ADAMTS19: variants seen among roughly 807,000 people sequenced by gnomAD.
ADAMTS19 encodes the protein ADAM metallopeptidase with thrombospondin type 1 motif 19, also known as A disintegrin and metalloproteinase with thrombospondin motifs 19.
Under a neutral mutation model 153.3 loss-of-function variants are expected in ADAMTS19, and 93 were observed. The observed-to-expected ratio is 0.61, with a 90% CI of 0.51 to 0.72. The LOEUF is 0.72. ADAMTS19 is among the 30% of genes least tolerant of loss of function. ADAMTS19 has a pLI of 0.00. For missense variants in ADAMTS19, 1,482 were observed against 1,552.1 expected (o/e 0.95, Z 0.76); for synonymous variants, 600 against 556.6 (o/e 1.08, Z -1.10).
chr5:129,495,794 T>G (rs138653153), intron 2 of ADAMTS19, among the ~76,000 whole-genome samples: 1 of 152,260 alleles, frequency 6.6e-6, no homozygotes, highest in East Asian at 1.9e-4. Context: ...CATAATAGTC[T>G]TGACGTGGCC....
At chr5:129,710,136 C>T (rs1402589781) in intron 21 of ADAMTS19, among the ~76,000 whole-genome samples, 1 of 152,094 alleles carries the variant, frequency 6.6e-6, no homozygotes, top group Non-Finnish European at 1.5e-5. Flanking sequence ...CCCTGCCTCA[C>T]CAACAAGCCC....
chr5:129,578,958 G>C (rs1489218208), intron 7 of ADAMTS19, among the ~76,000 whole-genome samples: 1 of 152,138 alleles, frequency 6.6e-6, no homozygotes, highest in African/African-American at 2.4e-5. Context: ...TATATACCCA[G>C]TAATGGGATT....
intron 3 of ADAMTS19, among the ~76,000 whole-genome samples, chr5:129,510,978 T>C (rs1751422857): frequency 6.6e-6 from 1 of 151,636 alleles, no homozygotes; most frequent in African/African-American, 2.4e-5. Context: ...TTACTGAGCT[T>C]ACCTATTTTC....
intron 11 of ADAMTS19, among the ~76,000 whole-genome samples, chr5:129,644,977 C>G (rs1181434578): frequency 1.3e-5 from 2 of 152,182 alleles, no homozygotes; most frequent in South Asian, 4.1e-4. Flanking sequence ...CTCCTCTTCT[C>G]TCTTCCACAA....
chr5:129,479,253 ATG>A (rs945108843), intron 2 of ADAMTS19, among the ~76,000 whole-genome samples: 4 of 152,182 alleles, frequency 2.6e-5, no homozygotes, highest in Non-Finnish European at 4.4e-5. Flanking sequence ...GATCCAAGAT[ATG>A]GGGTAGAAAT....
chr5:129,585,883 C>T (rs1749765896), intron 7 of ADAMTS19, among the ~76,000 whole-genome samples: 1 of 152,132 alleles, frequency 6.6e-6, no homozygotes, highest in Non-Finnish European at 1.5e-5. Flanking sequence ...AGTGAAGTTT[C>T]CTTTTTCTCC....
At chr5:129,566,920 C>T (rs1753737038) in intron 7 of ADAMTS19, among the ~76,000 whole-genome samples, 1 of 151,800 alleles carries the variant, frequency 6.6e-6, no homozygotes, top group African/African-American at 2.4e-5. Context: ...TGGAAACAGA[C>T]ACAATTATGA....
chr5:129,591,333 C>A (rs1750122814), intron 7 of ADAMTS19, among the ~76,000 whole-genome samples: 1 of 150,328 alleles, frequency 6.7e-6, no homozygotes, highest in Admixed American at 6.6e-5. Context: ...TGCTCTATTG[C>A]CCAGGCTGAA....
intron 2 of ADAMTS19, among the ~76,000 whole-genome samples, chr5:129,484,954 C>T (rs1281986957): frequency 1.3e-5 from 2 of 151,972 alleles, no homozygotes; most frequent in Admixed American, 6.6e-5. Context: ...TCTCAGTAAT[C>T]GGTAGAACAA....
chr5:129,532,686 C>A (rs903581125), intron 6 of ADAMTS19, among the ~76,000 whole-genome samples: 16 of 151,794 alleles, frequency 1.1e-4, no homozygotes, highest in Admixed American at 7.9e-4. Context: ...TCATAATTGC[C>A]AAAACTTATA....
chr5:129,527,820 C>A lies in ADAMTS19; in HGVS notation c.1159C>A (p.His387Asn). Residue 387 changes from histidine (H) to asparagine (N), a missense_variant, in exon 5 of 23, where the codon CAT (histidine) becomes AAT (asparagine). His to Asn is a moderately conservative substitution (Grantham distance 68). This residue lies in a region of ADAMTS19 where 866 missense variants were observed against 827.7 expected (regional missense o/e 1.05). Coordinates refer to ENST00000274487, the MANE Select transcript of ADAMTS19 (RefSeq NM_133638.6). ...TCGTGTGATAAAGCTTATTCTGCTCCATGAAACTCCAGTAAGAAAGTCTTG... is the reference window on the plus strand; with the variant it reads ...TCGTGTGATAAAGCTTATTCTGCTCAATGAAACTCCAGTAAGAAAGTCTTG... ...NLRVIKLILL[H>N]ETPPELYIGH... The A allele has an allele frequency of 3.2e-6, 5 of 1,584,704 alleles. No homozygotes were observed. The East Asian group carries it at 1.1e-4, about 36-fold the overall frequency.
chr5:129,707,858 T>C (rs1264712418), intron 21 of ADAMTS19, among the ~76,000 whole-genome samples: 1 of 152,188 alleles, frequency 6.6e-6, no homozygotes, highest in African/African-American at 2.4e-5. Flanking sequence ...TTTATAAAGC[T>C]AGCACTGAAA....
At chr5:129,529,328 C>T (rs1752119667) in intron 6 of ADAMTS19, among the ~76,000 whole-genome samples, 3 of 151,996 alleles carry the variant, frequency 2.0e-5, no homozygotes, top group South Asian at 2.1e-4. Flanking sequence ...AAAGTGTTAG[C>T]GTTTCACATC....
intron 2 of ADAMTS19, among the ~76,000 whole-genome samples, chr5:129,506,936 T>C (rs1262473367): frequency 6.6e-6 from 1 of 151,976 alleles, no homozygotes; most frequent in Non-Finnish European, 1.5e-5. Flanking sequence ...CAAATAACCC[T>C]ATGAAGTTGG....
chr5:129,504,192 C>A (rs1751196041), intron 2 of ADAMTS19, among the ~76,000 whole-genome samples: 1 of 152,106 alleles, frequency 6.6e-6, no homozygotes, highest in African/African-American at 2.4e-5. Flanking sequence ...ATCCTATTTG[C>A]CCCCACTCAT....
At chr5:129,649,037 A>G (rs1753197208) in intron 13 of ADAMTS19, 67 bp downstream of exon 13, 1 of 1,412,776 alleles carries the variant, frequency 7.1e-7, no homozygotes, top group African/African-American at 1.4e-5. Context: ...TGTTTTTACA[A>G]TAGTCAGATT....
chr5:129,479,415 G>A (rs1750337485), intron 2 of ADAMTS19, among the ~76,000 whole-genome samples: 4 of 152,036 alleles, frequency 2.6e-5, no homozygotes, highest in African/African-American at 9.7e-5. Context: ...TCACGTTAGG[G>A]AGATTTCCTA....
At chr5:129,534,938 C>G (rs1158832143) in intron 6 of ADAMTS19, among the ~76,000 whole-genome samples, 1 of 151,106 alleles carries the variant, frequency 6.6e-6, no homozygotes, top group African/African-American at 2.4e-5. Flanking sequence ...TAATAAGAGA[C>G]AAATCCACAG....
intron 7 of ADAMTS19, among the ~76,000 whole-genome samples, chr5:129,582,043 T>C (rs950343824): frequency 1.1e-4 from 17 of 151,954 alleles, no homozygotes; most frequent in African/African-American, 3.9e-4. Flanking sequence ...TTAGAATAAG[T>C]CTGATGTGTT....
Sources: allele counts gnomAD v4.1 joint callset (sites outside exome capture counted in the v4.1 genomes callset), GRCh38; gene constraint gnomAD v4.1.1; regional missense constraint gnomAD v4.1.1; transcripts MANE v1.5; gene names NCBI Gene and HGNC (gene_info 2026-07-23, HGNC 2026-07-21).